FTCDNL1: variants seen among roughly 807,000 people sequenced by gnomAD.
The protein encoded by FTCDNL1 is formiminotransferase cyclodeaminase N-terminal like.
Under a neutral mutation model 5.9 loss-of-function variants are expected in FTCDNL1, and 11 were observed. The ratio of observed to expected loss-of-function variants is 1.87; its 90% CI spans 1.18 to 3.10. FTCDNL1 has a LOEUF of 3.10. FTCDNL1 is among the 30% of genes most tolerant of loss of function. The pLI is 0.00. For synonymous variants in FTCDNL1, 58 were observed against 24.8 expected, an observed-to-expected ratio of 2.34 and a Z score of -3.99; for missense variants, 115 against 65.5, an observed-to-expected ratio of 1.76 and a Z score of -2.61.
At chr2:199,838,469 TA>T (rs1193544489) in intron 3 of FTCDNL1, among the ~76,000 whole-genome samples, 1 of 152,046 alleles carries the variant, frequency 6.6e-6, no homozygotes, top group Non-Finnish European at 1.5e-5. Context: ...TCCCAAGCAT[TA>T]ACTCAAACCA....
chr2:199,808,509 A>G (rs1700848986), downstream of FTCDNL1, among the ~76,000 whole-genome samples: 1 of 152,246 alleles, frequency 6.6e-6, no homozygotes, highest in African/African-American at 2.4e-5. Context: ...ATCCATCTCC[A>G]GAACATTTTT....
chr2:199,808,605 G>C (rs1299313774), downstream of FTCDNL1, among the ~76,000 whole-genome samples: 1 of 152,184 alleles, frequency 6.6e-6, no homozygotes, highest in Non-Finnish European at 1.5e-5. Flanking sequence ...CTGTAATGCT[G>C]TGACAGGAAC....
chr2:199,672,686 G>GA, the FTCDNL1 span, among the ~76,000 whole-genome samples: 1 of 151,998 alleles, frequency 6.6e-6, no homozygotes, highest in Non-Finnish European at 1.5e-5. Context: ...CTGGCAACTG[G>GA]AATAACTGGA....
At chr2:199,846,610 T>C (rs1233853611) in intron 2 of FTCDNL1, among the ~76,000 whole-genome samples, 2 of 152,198 alleles carry the variant, frequency 1.3e-5, no homozygotes, top group Non-Finnish European at 2.9e-5. Flanking sequence ...AAAACTAGAA[T>C]AGACCAATTA....
At chr2:199,841,299 A>T (rs1203666671) in intron 3 of FTCDNL1, among the ~76,000 whole-genome samples, 1 of 152,016 alleles carries the variant, frequency 6.6e-6, no homozygotes, top group East Asian at 1.9e-4. Context: ...AGACAGGAGA[A>T]TCGCTTGAAC....
At chr2:199,740,477 T>C in the FTCDNL1 span, among the ~76,000 whole-genome samples, 1 of 152,170 alleles carries the variant, frequency 6.6e-6, no homozygotes, top group South Asian at 2.1e-4. Flanking sequence ...TCATGGGAGC[T>C]GCCCGGAGGA....
chr2:199,690,051 G>A, the FTCDNL1 span, among the ~76,000 whole-genome samples: 1 of 152,216 alleles, frequency 6.6e-6, no homozygotes, highest in South Asian at 2.1e-4. Context: ...AAGTAAAACA[G>A]CAGGTTATTG....
At chr2:199,799,139 C>A (rs937186549) in intron 3 of FTCDNL1, among the ~76,000 whole-genome samples, 1 of 152,094 alleles carries the variant, frequency 6.6e-6, no homozygotes, top group Non-Finnish European at 1.5e-5. Context: ...TCATGTGCTA[C>A]GCTGAAAATA....
downstream of FTCDNL1, among the ~76,000 whole-genome samples, chr2:199,806,455 G>C (rs931169637): frequency 6.6e-6 from 1 of 152,190 alleles, no homozygotes; most frequent in African/African-American, 2.4e-5. Context: ...ACAGTAACAT[G>C]AGAATATTTA....
chr2:199,828,485 G>A lies in FTCDNL1; in HGVS notation c.212-8728C>T, dbSNP rs76903934. ...GCCACTGCTCACTGTAGCTCTCTTA[G>A]CTGTTTGTTCCACTTCCCTCTACAG... On this transcript the variant is annotated intron_variant, in intron 3 of 4. Coordinates refer to ENST00000420128, the MANE Select transcript of FTCDNL1 (RefSeq NM_001363886.2). 1.6e-3 allele frequency among the ~76,000 whole-genome samples: 242 copies of A among 152,254 alleles called. 1 individual carries two copies. Among genetic ancestry groups the A allele is most frequent in the African/African-American group, 1.9e-3 (77 of 41,550 alleles).
intron 3 of FTCDNL1, among the ~76,000 whole-genome samples, chr2:199,788,583 C>CA (rs1216211347): frequency 1.1e-4 from 16 of 150,446 alleles, no homozygotes; most frequent in Non-Finnish European, 1.9e-4. Context: ...TTTGCTATTA[C>CA]AAAAAAAGGG....
At chr2:199,702,492 A>G in the FTCDNL1 span, among the ~76,000 whole-genome samples, 1 of 152,212 alleles carries the variant, frequency 6.6e-6, no homozygotes, top group Non-Finnish European at 1.5e-5. Context: ...GACCCTCAGC[A>G]TACTCAATAA....
At chr2:199,824,875 T>C (rs1279804246) in intron 3 of FTCDNL1, among the ~76,000 whole-genome samples, 3 of 152,190 alleles carry the variant, frequency 2.0e-5, no homozygotes. Flanking sequence ...TGATGGCTCA[T>C]GCCTGTAATC....
chr2:199,782,480 G>A (rs1699416108), intron 3 of FTCDNL1, among the ~76,000 whole-genome samples: 1 of 152,204 alleles, frequency 6.6e-6, no homozygotes, highest in South Asian at 2.1e-4. Context: ...GAGGGGGAAA[G>A]TTTCAAAGGA....
At chr2:199,717,511 T>A in the FTCDNL1 span, among the ~76,000 whole-genome samples, 14 of 23,848 alleles carry the variant, frequency 5.9e-4, no homozygotes, top group South Asian at 7.9e-3. Flanking sequence ...AGGCAGAGAT[T>A]TTTTTTTTTT....
At chr2:199,841,321 G>C (rs1453423440) in intron 3 of FTCDNL1, among the ~76,000 whole-genome samples, 1 of 151,480 alleles carries the variant, frequency 6.6e-6, no homozygotes, top group Non-Finnish European at 1.5e-5. Context: ...CAGGAGGCGG[G>C]GTTTGCAGTG....
At chr2:199,808,449 A>G (rs1700846989), downstream of FTCDNL1, among the ~76,000 whole-genome samples, 1 of 152,236 alleles carries the variant, frequency 6.6e-6, no homozygotes, top group African/African-American at 2.4e-5. Flanking sequence ...TTAAGTGTAT[A>G]ATTCAGTGGA....
chr2:199,817,970 G>A (rs1701454023), intron 4 of FTCDNL1, among the ~76,000 whole-genome samples: 1 of 152,070 alleles, frequency 6.6e-6, no homozygotes, highest in South Asian at 2.1e-4. Flanking sequence ...ATTAGCATTT[G>A]GTCTTTAACT....
At chr2:199,799,865 G>C (rs543931947) in intron 3 of FTCDNL1, among the ~76,000 whole-genome samples, 2 of 152,276 alleles carry the variant, frequency 1.3e-5, no homozygotes, top group East Asian at 3.9e-4. Flanking sequence ...GGAAAGGTGA[G>C]AAAGAAAGTG....
Sources: allele counts gnomAD v4.1 joint callset (sites outside exome capture counted in the v4.1 genomes callset), GRCh38; gene constraint gnomAD v4.1.1; transcripts MANE v1.5; gene names NCBI Gene and HGNC (gene_info 2026-07-23, HGNC 2026-07-21).